The following EOMES variants were observed in gnomAD, a reference collection of about 807,000 sequenced individuals.
The protein encoded by EOMES is eomesodermin homolog.
EOMES carries 18 observed loss-of-function variants against 61.0 expected under a neutral mutation model. The ratio of observed to expected loss-of-function variants is 0.30; its 90% CI spans 0.20 to 0.44. The LOEUF is 0.44. Ranked by LOEUF, EOMES falls within the 20% of genes least tolerant of loss-of-function variation. EOMES has a pLI of 1.00. For synonymous variants in EOMES, 430 were observed against 394.0 expected (o/e 1.09, Z -1.08); for missense variants, 885 against 939.2 (o/e 0.94, Z 0.75).
At position 27,721,809 on chromosome 3, in the gene EOMES, G is replaced by A; in HGVS notation, c.486C>T (p.Leu162=). 6.6e-7 allele frequency: 1 copy of A among 1,510,810 alleles called. No individual in the cohort carries two copies. Among genetic ancestry groups the A allele is most frequent in the Non-Finnish European group, 8.8e-7 (1 of 1,140,496 alleles). 93.6% of individuals were successfully genotyped at this position (1,510,810 alleles called of 1,614,324 possible). The change falls in exon 1 of 6, where the codon CTC becomes CTT. Residue 162 remains leucine, a synonymous_variant. Transcript: ENST00000449599. The surrounding 1 kb of genome is among the most constrained non-coding windows in gnomAD (Gnocchi z 7.4). ...CCCCAGCCGCCGCCTGGTACGGGAA[G>A]AGTGAGCAGGGCGCAGCCAGCTCCG... ...QGSELAAPCS[L]FPYQAAAGAP...
rs1250677955 is a variant in EOMES at position 27,717,522 on chromosome 3, C to T, written c.1666G>A (p.Glu556Lys). 6.2e-7 allele frequency: 1 copy of T among 1,614,056 alleles called. No individual in the cohort carries two copies. Among genetic ancestry groups the T allele is most frequent in the Admixed American group, 1.7e-5 (1 of 60,004 alleles). Residue 556 changes from glutamate (E) to lysine (K), a missense_variant, in exon 6 of 6, where the codon GAA becomes AAA. Glu to Lys is a moderately conservative substitution (Grantham distance 56, BLOSUM62 1). Around this residue, in one of 3 missense-constraint regions of EOMES, gnomAD observed 259 missense variants for 282.3 expected, o/e 0.92. Coordinates refer to ENST00000449599, the MANE Select transcript of EOMES (RefSeq NM_001278182.2). This position sits in a 1 kb window ranked among gnomAD's most constrained non-coding sequence, Gnocchi z 4.5. ...AATGTGCTAGAAGTATATTCAGATTCATAGGAACTGATGTCTAGTTTGTTG... is the reference window on the plus strand; with the variant it reads ...AATGTGCTAGAAGTATATTCAGATTTATAGGAACTGATGTCTAGTTTGTTG... ...GTNKLDISSY[E>K]SEYTSSTLLP...
chr3:27,719,556 C>G, intron 2 of EOMES, 75 bp from the exon 3 acceptor site: 1 of 1,374,824 alleles, frequency 7.3e-7, no homozygotes, highest in Non-Finnish European at 1.0e-6. Flanking sequence ...GGAGGGATGT[C>G]TCTTAGCTAT....
At position 27,721,494 on chromosome 3, in the gene EOMES, G is replaced by A. The variant is rs1038601677; in HGVS notation, c.801C>T (p.Ala267=). 1.2e-6 allele frequency: 2 copies of A among 1,613,468 alleles called. No individual in the cohort carries two copies. Among genetic ancestry groups the A allele is most frequent in the African/African-American group, 1.3e-5 (1 of 75,040 alleles). ...GLGVPGSGFR[A]HVYLCNRPLW... Reference sequence around the variant, plus strand: ...GAGGCCGGTTGCACAGGTAGACGTGGGCACGGAAGCCAGAACCTGGAACCC... The same window carrying A: ...GAGGCCGGTTGCACAGGTAGACGTGAGCACGGAAGCCAGAACCTGGAACCC... Residue 267 remains alanine, a synonymous_variant, in exon 1 of 6, where the codon GCC becomes GCT. Transcript: ENST00000449599. This position sits in a 1 kb window ranked among gnomAD's most constrained non-coding sequence, Gnocchi z 7.4.
chr3:27,720,696 C>A (rs776185069), intron 1 of EOMES, among the ~76,000 whole-genome samples: 5 of 152,050 alleles, frequency 3.3e-5, no homozygotes, highest in Non-Finnish European at 7.4e-5. Context: ...TTTAAATGCA[C>A]CATTTTGAAA....
At position 27,721,943 on chromosome 3, in the gene EOMES, C is replaced by T. The variant is rs764028457; in HGVS notation, c.352G>A (p.Ala118Thr). The change falls in exon 1 of 6, where the codon GCT (alanine) becomes ACT (threonine). Residue 118 changes from alanine to threonine, a missense_variant. By Grantham distance (58) the Ala-to-Thr change is moderately conservative. This residue lies in a region of EOMES where 449 missense variants were observed against 383.6 expected (regional missense o/e 1.17). Transcript: ENST00000449599. The surrounding 1 kb of genome is among the most constrained non-coding windows in gnomAD (Gnocchi z 7.4). ...PCGEEELPSA[A>T]AAAAAAAAAA... is the part of the protein sequence containing the mutation. ...GCGGCGGCGGCGGCGGCGGCTGCAG[C>T]GGCGGAGGGCAGCTCCTCCTCCCCG... 3 of 1,387,250 alleles carry T rather than the reference C, an allele frequency of 2.2e-6. 1 individual carries two copies. The highest frequency in any genetic ancestry group is 2.8e-6 in the Non-Finnish European group (3 of 1,080,712). The allele number at this position is 1,387,250 out of a possible 1,614,324, so 85.9% of individuals were successfully genotyped here.
Position 27,717,831 on chromosome 3 carries a change from TA to T in EOMES, c.1380-24del, listed in dbSNP as rs34777083. On this transcript the variant is annotated intron_variant, in intron 5 of 5. Coordinates refer to ENST00000449599, the MANE Select transcript of EOMES (RefSeq NM_001278182.2). The surrounding 1 kb of genome is among the most constrained non-coding windows in gnomAD (Gnocchi z 4.5). ...ATGCTACAATATAAAGAGAAACACTTAAAAAAAAAAAAAAACCCTAATGTTG... is the reference window on the plus strand; with the variant it reads ...ATGCTACAATATAAAGAGAAACACTTAAAAAAAAAAAAAACCCTAATGTTG... The T allele has an allele frequency of 0.19, 214,358 of 1,130,254 alleles. 3,088 individuals carry two copies. The highest frequency in any genetic ancestry group is 0.2 in the Non-Finnish European group (174,170 of 850,772). 70.0% of individuals were successfully genotyped at this position (1,130,254 alleles called of 1,614,324 possible).
Position 27,717,823 on chromosome 3 carries a change from G to C in EOMES, c.1380-15C>G, listed in dbSNP as rs1365287977. ...CGGTGTACATGCTACAATATAAAGA[G>C]AAACACTTAAAAAAAAAAAAAAACC... On this transcript the variant is annotated splice_polypyrimidine_tract_variant and intron_variant, in intron 5 of 5. Transcript: ENST00000449599. This position sits in a 1 kb window ranked among gnomAD's most constrained non-coding sequence, Gnocchi z 4.5. 9.2e-6 allele frequency: 12 copies of C among 1,308,982 alleles called. No homozygotes were observed. The highest frequency in any genetic ancestry group is 1.1e-5 in the Non-Finnish European group (11 of 987,660). The allele number at this position is 1,308,982 out of a possible 1,614,324, so 81.1% of individuals were successfully genotyped here. A position where few individuals can be genotyped will look rare whatever the true frequency, so the allele number is the denominator to read the frequency against.
rs1204052511 is a variant in EOMES, at chr3:27,716,741, G to A, written c.*329C>T. ...GAGAATCAAAGGTTTTAACTCATCT[G>A]ATAGCACTGGGCACCCAATGTTCAC... On this transcript the variant is annotated 3_prime_UTR_variant, in exon 6 of 6. Coordinates refer to ENST00000449599, the MANE Select transcript of EOMES (RefSeq NM_001278182.2). 1.6e-5 allele frequency: 4 copies of A among 254,068 alleles called. No individual in the cohort carries two copies. Among genetic ancestry groups the A allele is most frequent in the Non-Finnish European group, 3.0e-5 (4 of 133,362 alleles). 15.7% of individuals were successfully genotyped at this position (254,068 alleles called of 1,614,324 possible). A position where few individuals can be genotyped will look rare whatever the true frequency, so the allele number is the denominator to read the frequency against.
chr3:27,722,436 A>C, upstream of EOMES: 12 of 1,345,192 alleles, frequency 8.9e-6, no homozygotes, highest in South Asian at 1.9e-5. Flanking sequence ...CCACCTGCCG[A>C]CTCGCGGGCC....
chr3:27,721,914 CGCGGCGGCG>C lies in EOMES; in HGVS notation c.372_380del (p.Ala128_Ala130del), dbSNP rs3062761. ...TGGAGTAGCGCGCAGTGGCCGCAGC[CGCGGCGGCG>C]GCGGCGGCGGCGGCTGCAGCGGCGG... On this transcript the variant is annotated inframe_deletion, in exon 1 of 6. Coordinates refer to ENST00000449599, the MANE Select transcript of EOMES (RefSeq NM_001278182.2). The surrounding 1 kb of genome is among the most constrained non-coding windows in gnomAD (Gnocchi z 7.4). 9.2e-5 allele frequency: 106 copies of C among 1,152,720 alleles called. 2 individuals are homozygous for C. The highest frequency in any genetic ancestry group is 1.4e-4 in the African/African-American group (8 of 57,290). 71.4% of individuals were successfully genotyped at this position (1,152,720 alleles called of 1,614,324 possible).
Position 27,722,314 on chromosome 3 carries a change from G to A in EOMES, c.-20C>T, listed in dbSNP as rs1436196660. ...CTGCATGCTTTGCAAAGCGCAGACG[G>A]CAGCTGGCTGCTTCCTCTCCTCCGG... On this transcript the variant is annotated 5_prime_UTR_variant, in exon 1 of 6. Transcript: ENST00000449599. The A allele has an allele frequency of 3.9e-6, 6 of 1,520,146 alleles. No homozygotes were observed. Among genetic ancestry groups the A allele is most frequent in the South Asian group, 1.2e-5 (1 of 80,976 alleles). The allele number at this position is 1,520,146 out of a possible 1,614,324, so 94.2% of individuals were successfully genotyped here.
Position 27,719,462 on chromosome 3 carries a change from G to A in EOMES, c.1056C>T (p.His352=). The part of the protein sequence containing the change: ...NNMQGNKMYV[H]PESPNTGSHW... ...GGGAACCAGTATTAGGAGACTCTGGGTGAACATACATTTTGTTGCCTAAGA... is the reference window on the plus strand; with the variant it reads ...GGGAACCAGTATTAGGAGACTCTGGATGAACATACATTTTGTTGCCTAAGA... The change falls in exon 3 of 6, where the codon CAC becomes CAT. Residue 352 remains histidine, a synonymous_variant. Transcript: ENST00000449599. 1 of 1,613,132 alleles carries A rather than the reference G, an allele frequency of 6.2e-7. No individual in the cohort carries two copies. Among genetic ancestry groups the A allele is most frequent in the African/African-American group, 1.3e-5 (1 of 74,974 alleles).
chr3:27,718,257 T>C (rs192368477), intron 5 of EOMES, among the ~76,000 whole-genome samples: 42 of 150,552 alleles, frequency 2.8e-4, no homozygotes, highest in Middle Eastern at 3.4e-3. Flanking sequence ...TGGGGGAGAG[T>C]AATAATATCT....
In EOMES at chr3:27,716,957, C is replaced by T. The variant is rs542990294; in HGVS notation, c.*113G>A. ...TTAGAGAATTGCACAAAACAGGATG[C>T]ATCAAGGTGGAAGGCAAACATCTTT... is the stretch of plus-strand genomic sequence containing the variant. On this transcript the variant is annotated 3_prime_UTR_variant, in exon 6 of 6. Coordinates refer to ENST00000449599, the MANE Select transcript of EOMES (RefSeq NM_001278182.2). 8 of 737,144 alleles carry T rather than the reference C, an allele frequency of 1.1e-5. No individual in the cohort carries two copies. In the East Asian group the frequency reaches 1.2e-4, roughly 11 times the overall value. The allele number at this position is 737,144 out of a possible 1,614,324, so 45.7% of individuals were successfully genotyped here. A position where few individuals can be genotyped will look rare whatever the true frequency, so the allele number is the denominator to read the frequency against.
chr3:27,720,179 T>A lies in EOMES; in HGVS notation c.1028A>T (p.Asn343Ile). ...KWVTCGKADN[N>I]MQGNKMYVHP... ...GCCTCTTCTCTGCTCACCCTGCATGTTATTGTCGGCTTTGCCACAGGTCAC... is the reference window on the plus strand; with the variant it reads ...GCCTCTTCTCTGCTCACCCTGCATGATATTGTCGGCTTTGCCACAGGTCAC... The change falls in exon 2 of 6, where the codon AAC (asparagine) becomes ATC (isoleucine). Residue 343 changes from asparagine (N) to isoleucine (I), a missense_variant. Asn to Ile is a moderately radical substitution (Grantham distance 149). This residue lies in a region of EOMES where 177 missense variants were observed against 273.3 expected (regional missense o/e 0.65). Coordinates refer to ENST00000449599, the MANE Select transcript of EOMES (RefSeq NM_001278182.2). 1 of 1,591,066 alleles carries A rather than the reference T, an allele frequency of 6.3e-7. No individual in the cohort carries two copies.
At chr3:27,720,914 C>T (rs995571883) in intron 1 of EOMES, among the ~76,000 whole-genome samples, 11 of 152,080 alleles carry the variant, frequency 7.2e-5, no homozygotes, top group African/African-American at 2.7e-4. Flanking sequence ...ACCACCTACT[C>T]CGACCGAGCT....
Position 27,722,007 on chromosome 3 carries a change from G to C in EOMES, c.288C>G (p.Ala96=), listed in dbSNP as rs759381156. ...TGCGGCCGTCCGGGGGCCCCGGCTT[G>C]GCCACTGCCGCAGCGCTGGCAAATG... ...GDAFASAAAV[A]KPGPPDGRKG... Residue 96 remains alanine (A), a synonymous_variant, in exon 1 of 6, where the codon GCC becomes GCG. Transcript: ENST00000449599. The C allele has an allele frequency of 1.2e-4, 176 of 1,503,568 alleles. No homozygotes were observed. Among genetic ancestry groups the C allele is most frequent in the Non-Finnish European group, 1.1e-4 (129 of 1,129,634 alleles). The allele number at this position is 1,503,568 out of a possible 1,614,324, so 93.1% of individuals were successfully genotyped here.
chr3:27,718,699 A>C, intron 4 of EOMES, 36 bp downstream of exon 4: 1 of 1,613,518 alleles, frequency 6.2e-7, no homozygotes, highest in Non-Finnish European at 8.5e-7. Flanking sequence ...GCTGGACCTT[A>C]GCTTTAGAGA....
chr3:27,717,280 A>G lies in EOMES; in HGVS notation c.1908T>C (p.Ser636=). 1 of 1,613,928 alleles carries G rather than the reference A, an allele frequency of 6.2e-7. No individual in the cohort carries two copies. The highest frequency in any genetic ancestry group is 8.5e-7 in the Non-Finnish European group (1 of 1,179,800). ...TGATGGAAGGGGGTGTCTCTATCCAAGAAGAGCCAATTTCCTCTTTCACTT... is the reference window on the plus strand; with the variant it reads ...TGATGGAAGGGGGTGTCTCTATCCAGGAAGAGCCAATTTCCTCTTTCACTT... ...KEKVKEEIGS[S]WIETPPSIKS... is the part of the protein sequence containing the mutation. The change falls in exon 6 of 6, where the codon TCT becomes TCC. Residue 636 remains serine (S), a synonymous_variant. Coordinates refer to ENST00000449599, the MANE Select transcript of EOMES (RefSeq NM_001278182.2). This position sits in a 1 kb window ranked among gnomAD's most constrained non-coding sequence, Gnocchi z 4.5.
Sources: gnomAD v4.1 joint callset for allele counts (sites outside exome capture counted in the v4.1 genomes callset) on GRCh38, gnomAD v4.1.1 for gene constraint, gnomAD v4.1.1 regional missense constraint, Gnocchi (gnomAD v3.1) non-coding constraint, MANE v1.5 for transcripts, NCBI Gene and HGNC (gene_info 2026-07-23, HGNC 2026-07-21) for gene names.